OPHN1: variants seen among roughly 807,000 people sequenced by gnomAD.
The protein encoded by OPHN1 is oligophrenin-1.
OPHN1 carries 11 observed loss-of-function variants against 60.7 expected under a neutral mutation model. The ratio of observed to expected loss-of-function variants is 0.18; its 90% CI spans 0.11 to 0.30. The LOEUF (loss-of-function observed/expected upper bound fraction) is 0.30. Among genes scored for constraint, OPHN1 ranks in the 10% least tolerant of loss-of-function variants. The pLI is 1.00. For synonymous variants in OPHN1, 226 were observed against 222.6 expected (o/e 1.02, Z -0.14); for missense variants, 449 against 611.0 (o/e 0.73, Z 2.80).
At chrX:68,361,644 TACC>T (rs1257142025) in intron 2 of OPHN1, among the ~76,000 whole-genome samples, 2 of 111,282 alleles carry the variant, frequency 1.8e-5, no homozygotes, top group Non-Finnish European at 3.8e-5. Context: ...TGTGTATGCA[TACC>T]ACGTTTTCTT....
intron 3 of OPHN1, among the ~76,000 whole-genome samples, chrX:68,287,486 A>G (rs2078050564): frequency 9.1e-6 from 1 of 109,498 alleles, no homozygotes; most frequent in Non-Finnish European, 1.9e-5. Context: ...AAAAATGCAC[A>G]AAAGAAAGAA....
At chrX:68,200,191 G>A (rs931006064) in intron 11 of OPHN1, among the ~76,000 whole-genome samples, 1 of 111,625 alleles carries the variant, frequency 9.0e-6, no homozygotes, top group Non-Finnish European at 1.9e-5. Flanking sequence ...TAAAATGGGG[G>A]GGGTGTAGAT....
Position 68,111,934 on chromosome X carries a change from T to C in OPHN1, c.1446A>G (p.Leu482=). 1 of 1,202,234 alleles carries C rather than the reference T, an allele frequency of 8.3e-7. No homozygotes were observed. Among genetic ancestry groups the C allele is most frequent in the Non-Finnish European group, 1.1e-6 (1 of 886,947 alleles). ...AAKSDNLDYR[L]GAIHSLVYKL... ...TATATACCAGGGAGTGAATAGCTCC[T>C]AGGCGGTAATCCAGGTTGTCAGACT... The change falls in exon 18 of 25, where the codon CTA becomes CTG. Residue 482 remains leucine (L), a synonymous_variant. Transcript: ENST00000355520.
intron 2 of OPHN1, among the ~76,000 whole-genome samples, chrX:68,329,808 T>G (rs1409250172): frequency 8.0e-5 from 9 of 112,210 alleles, no homozygotes; most frequent in Admixed American, 4.8e-4. Context: ...TTATATTTTT[T>G]TCTTTGGATA....
At position 68,302,547 on chromosome X, in the gene OPHN1, C is replaced by A. The variant is rs191283098; in HGVS notation, c.155-3451G>T. ...GAGATTTCAGTGAGCTGAGATCCTG[C>A]CACTGCACTCCAGCCTGGGCAACAC... On this transcript the variant is annotated intron_variant, in intron 2 of 24. Transcript: ENST00000355520. Among the ~76,000 whole-genome samples the A allele has an allele frequency of 3.7e-5, 4 of 108,411 alleles. No homozygotes were observed. In the East Asian group the frequency reaches 8.6e-4, roughly 23 times the overall value. 94.1% of individuals were successfully genotyped at this position (108,411 alleles called of 115,157 possible).
Position 68,186,980 on chromosome X carries a change from C to T in OPHN1, c.1276+5939G>A, listed in dbSNP as rs146445443. ...CAAACATTCACTCCCTAACAGATGTCATATGCCAATGAAAGGAATTTATTT... is the reference window on the plus strand; with the variant it reads ...CAAACATTCACTCCCTAACAGATGTTATATGCCAATGAAAGGAATTTATTT... On this transcript the variant is annotated intron_variant, in intron 15 of 24. Coordinates refer to ENST00000355520, the MANE Select transcript of OPHN1 (RefSeq NM_002547.3). Among the ~76,000 whole-genome samples the T allele has an allele frequency of 2.1e-4, 23 of 112,077 alleles. No homozygotes were observed. In the East Asian group the frequency reaches 6.5e-3, roughly 32 times the overall value.
At chrX:68,291,070 C>T (rs1471797085) in intron 3 of OPHN1, among the ~76,000 whole-genome samples, 1 of 111,634 alleles carries the variant, frequency 9.0e-6, no homozygotes, top group Non-Finnish European at 1.9e-5. Flanking sequence ...AGTAAATAAA[C>T]AGGTCAGAGT....
intron 2 of OPHN1, among the ~76,000 whole-genome samples, chrX:68,305,814 A>C (rs1312376677): frequency 8.9e-6 from 1 of 112,145 alleles, no homozygotes; most frequent in Non-Finnish European, 1.9e-5. Flanking sequence ...ACAATAACAA[A>C]CAACCACCCT....
intron 2 of OPHN1, among the ~76,000 whole-genome samples, chrX:68,427,770 G>A (rs2078866977): frequency 9.2e-6 from 1 of 109,268 alleles, no homozygotes; most frequent in South Asian, 4.1e-4. Flanking sequence ...ATTTAGCTCA[G>A]GGGTTGCAAC....
At chrX:68,380,105 G>A (rs2078587217) in intron 2 of OPHN1, among the ~76,000 whole-genome samples, 1 of 111,381 alleles carries the variant, frequency 9.0e-6, no homozygotes, top group African/African-American at 3.3e-5. Context: ...CAATTTCAGA[G>A]AGCCTGTTAC....
chrX:68,078,677 G>A (rs1364080729), intron 19 of OPHN1, among the ~76,000 whole-genome samples: 2 of 111,067 alleles, frequency 1.8e-5, no homozygotes, highest in Non-Finnish European at 3.8e-5. Context: ...TCAGAGAAAA[G>A]GGAGGTCATT....
At chrX:68,397,554 A>C (rs1602386906) in intron 2 of OPHN1, among the ~76,000 whole-genome samples, 1 of 81,854 alleles carries the variant, frequency 1.2e-5, no homozygotes, top group Admixed American at 1.8e-4. Context: ...ACAGAGTCTC[A>C]CTCTGTTGCC....
chrX:68,267,326 A>G (rs193201892), intron 5 of OPHN1, among the ~76,000 whole-genome samples: 3,872 of 111,647 alleles, frequency 0.035, 172 homozygotes, highest in African/African-American at 0.12. Context: ...ATAACAAACT[A>G]TCTCTCAGAC....
At chrX:68,106,627 A>G (rs1210337764) in intron 18 of OPHN1, among the ~76,000 whole-genome samples, 1 of 111,802 alleles carries the variant, frequency 8.9e-6, no homozygotes, top group Non-Finnish European at 1.9e-5. Flanking sequence ...CTTCTGACTA[A>G]TAGAAGCTAC....
At chrX:68,103,079 A>G (rs2077066407) in intron 18 of OPHN1, among the ~76,000 whole-genome samples, 1 of 111,996 alleles carries the variant, frequency 8.9e-6, no homozygotes, top group African/African-American at 3.2e-5. Context: ...AACAACAACA[A>G]AAACTTTCAG....
At chrX:68,322,549 G>C (rs1454522864) in intron 2 of OPHN1, among the ~76,000 whole-genome samples, 1 of 111,524 alleles carries the variant, frequency 9.0e-6, no homozygotes, top group Non-Finnish European at 1.9e-5. Context: ...CATTTTGGGG[G>C]GTTGAGGCAA....
At chrX:68,144,291 G>A (rs1400256645) in intron 15 of OPHN1, among the ~76,000 whole-genome samples, 2 of 110,354 alleles carry the variant, frequency 1.8e-5, no homozygotes, top group East Asian at 2.8e-4. Context: ...TAGCCTCCCC[G>A]AGTGCTGGGA....
chrX:68,264,180 C>G (rs779453970), intron 5 of OPHN1, among the ~76,000 whole-genome samples: 1 of 111,520 alleles, frequency 9.0e-6, no homozygotes, highest in Non-Finnish European at 1.9e-5. Flanking sequence ...CAATACCATT[C>G]AGGACATAGG....
chrX:68,372,799 A>G (rs2078536134), intron 2 of OPHN1, among the ~76,000 whole-genome samples: 3 of 111,436 alleles, frequency 2.7e-5, no homozygotes, highest in Admixed American at 9.6e-5. Context: ...CTCTGGTCAC[A>G]CTGGTTGTGA....
Sources: gnomAD v4.1 joint callset for allele counts (sites outside exome capture counted in the v4.1 genomes callset) on GRCh38, gnomAD v4.1.1 for gene constraint, MANE v1.5 for transcripts, NCBI Gene and HGNC (gene_info 2026-07-23, HGNC 2026-07-21) for gene names.